CNTNAP5: variants seen among roughly 807,000 people sequenced by gnomAD.
The protein encoded by CNTNAP5 is contactin-associated protein-like 5.
Under a neutral mutation model 150.2 loss-of-function variants are expected in CNTNAP5, and 72 were observed. That is an observed-to-expected ratio of 0.48 (90% CI 0.40 to 0.58). The LOEUF (loss-of-function observed/expected upper bound fraction) is 0.58, where lower values mean the gene tolerates loss of function less well. Among genes scored for constraint, CNTNAP5 ranks in the 20% least tolerant of loss-of-function variants. The probability of loss-of-function intolerance (pLI) is 0.00; values close to 1 mark genes in which losing one functional copy is unlikely to be tolerated. For missense variants in CNTNAP5, 1,636 were observed against 1,626.2 expected (o/e 1.01, Z -0.10); for synonymous variants, 672 against 619.8 (o/e 1.08, Z -1.25).
At chr2:124,100,864 C>CAAAAAAAAAAAAA (rs60441145) in intron 1 of CNTNAP5, among the ~76,000 whole-genome samples, 1 of 88,046 alleles carries the variant, frequency 1.1e-5, no homozygotes, top group East Asian at 3.7e-4. Flanking sequence ...GACTCTGTCT[C>CAAAAAAAAAAAAA]AAAAAAAAAA....
intron 1 of CNTNAP5, among the ~76,000 whole-genome samples, chr2:124,134,203 C>T (rs1231550882): frequency 6.6e-6 from 1 of 152,044 alleles, no homozygotes; most frequent in African/African-American, 2.4e-5. Flanking sequence ...CTCAGGGGTT[C>T]GTTCCACTGG....
intron 10 of CNTNAP5, among the ~76,000 whole-genome samples, chr2:124,556,710 A>G (rs922879637): frequency 6.6e-6 from 1 of 152,106 alleles, no homozygotes; most frequent in Admixed American, 6.5e-5. Flanking sequence ...GCCAGCAGGA[A>G]TTGCTCACAT....
At chr2:124,406,450 C>T (rs1318885373) in intron 3 of CNTNAP5, among the ~76,000 whole-genome samples, 1 of 152,148 alleles carries the variant, frequency 6.6e-6, no homozygotes, top group Non-Finnish European at 1.5e-5. Context: ...CTTCTACATG[C>T]CTTGCAAACA....
At chr2:124,704,027 C>T (rs1018176446) in intron 13 of CNTNAP5, among the ~76,000 whole-genome samples, 1 of 152,202 alleles carries the variant, frequency 6.6e-6, no homozygotes, top group African/African-American at 2.4e-5. Context: ...TGTCACCATT[C>T]GAACAGCATT....
At chr2:124,344,183 T>C (rs906437366) in intron 3 of CNTNAP5, among the ~76,000 whole-genome samples, 2 of 151,964 alleles carry the variant, frequency 1.3e-5, no homozygotes, top group African/African-American at 4.8e-5. Context: ...ATGCAGACCA[T>C]AGCAATTTCA....
chr2:124,187,812 C>T (rs1250277987), intron 1 of CNTNAP5, among the ~76,000 whole-genome samples: 1 of 152,144 alleles, frequency 6.6e-6, no homozygotes, highest in Non-Finnish European at 1.5e-5. Flanking sequence ...ATGACTAAAA[C>T]AATTTTACCA....
intron 13 of CNTNAP5, among the ~76,000 whole-genome samples, chr2:124,713,371 CTTTCT>C (rs1679877371): frequency 8.6e-6 from 1 of 116,878 alleles, no homozygotes; most frequent in African/African-American, 3.3e-5. Context: ...TTCTTTCTTT[CTTTCT>C]TTCTTCTCCC....
chr2:124,684,935 A>C (rs1679156952), intron 13 of CNTNAP5, among the ~76,000 whole-genome samples: 1 of 152,140 alleles, frequency 6.6e-6, no homozygotes, highest in Non-Finnish European at 1.5e-5. Context: ...CAGGCCCCAA[A>C]GCCTTGACTT....
At chr2:124,472,522 A>G (rs1278914712) in intron 6 of CNTNAP5, among the ~76,000 whole-genome samples, 1 of 151,286 alleles carries the variant, frequency 6.6e-6, no homozygotes, top group African/African-American at 2.4e-5. Context: ...TAAATGTATA[A>G]GAAATTGATT....
chr2:124,488,877 T>C (rs1693953250), intron 7 of CNTNAP5, among the ~76,000 whole-genome samples: 1 of 152,152 alleles, frequency 6.6e-6, no homozygotes, highest in South Asian at 2.1e-4. Context: ...AGTCTGACTC[T>C]TAGCTGCCTG....
Position 124,870,719 on chromosome 2 carries a change from T to C in CNTNAP5, c.3436+957T>C, listed in dbSNP as rs962585459. ...AAGTTAGTTGCTTACAAGATTGTTG[T>C]AGTACTTACAGTGTGGGTTCTTTTT... On this transcript the variant is annotated intron_variant, in intron 21 of 23. Coordinates refer to ENST00000682447, the MANE Select transcript of CNTNAP5 (RefSeq NM_001367498.1). 2.0e-5 allele frequency among the ~76,000 whole-genome samples: 3 copies of C among 152,168 alleles called. No individual in the cohort carries two copies. In the East Asian group the frequency reaches 5.8e-4, roughly 29 times the overall value.
intron 21 of CNTNAP5, among the ~76,000 whole-genome samples, chr2:124,878,051 C>T (rs779911937): frequency 1.9e-4 from 29 of 152,042 alleles, no homozygotes; most frequent in Non-Finnish European, 2.6e-4. Context: ...TTCCAAGCTC[C>T]TAATAAATCC....
chr2:124,811,160 A>G (rs1682209516), intron 19 of CNTNAP5, among the ~76,000 whole-genome samples: 1 of 152,192 alleles, frequency 6.6e-6, no homozygotes, highest in African/African-American at 2.4e-5. Context: ...AGGGAATCTT[A>G]TGTGACTGGG....
intron 13 of CNTNAP5, among the ~76,000 whole-genome samples, chr2:124,713,352 T>TTTCC (rs1679875251): frequency 7.3e-6 from 1 of 137,388 alleles, no homozygotes; most frequent in Non-Finnish European, 1.6e-5. Context: ...TCTTTCTTTC[T>TTTCC]TTCTTTCTTT....
chr2:124,478,193 C>T lies in CNTNAP5; in HGVS notation c.1062+3311C>T, dbSNP rs200914037. Among the ~76,000 whole-genome samples, 12 of 152,102 alleles carry T rather than the reference C, an allele frequency of 7.9e-5. No homozygotes were observed. The East Asian group carries it at 1.7e-3, about 22-fold the overall frequency. ...TGAATATCAGTAGCTTTCACCGTTTCGTTTTCTGAGAGAATCATTATCTAA... is the reference window on the plus strand; with the variant it reads ...TGAATATCAGTAGCTTTCACCGTTTTGTTTTCTGAGAGAATCATTATCTAA... On this transcript the variant is annotated intron_variant, in intron 7 of 23. Transcript: ENST00000682447.
At chr2:124,369,304 C>T (rs1257426006) in intron 3 of CNTNAP5, among the ~76,000 whole-genome samples, 1 of 152,138 alleles carries the variant, frequency 6.6e-6, no homozygotes, top group African/African-American at 2.4e-5. Context: ...ACTTGGGTAG[C>T]AACCAGGAGA....
In CNTNAP5 at chr2:124,847,878, A is replaced by T. The variant is rs375888129; in HGVS notation, c.3218-17428A>T. Among the ~76,000 whole-genome samples the T allele has an allele frequency of 1.9e-3, 285 of 152,280 alleles. 4 individuals carry two copies. Among genetic ancestry groups the T allele is most frequent in the African/African-American group, 6.5e-3 (269 of 41,572 alleles). On this transcript the variant is annotated intron_variant, in intron 19 of 23. Coordinates refer to ENST00000682447, the MANE Select transcript of CNTNAP5 (RefSeq NM_001367498.1). ...CTTAATGTTTACTTTTGTCATAAAA[A>T]TTGGCTTTATTTTCCATAGAATTTA... is the stretch of plus-strand genomic sequence containing the variant.
chr2:124,464,187 G>A (rs1457839881), intron 6 of CNTNAP5, among the ~76,000 whole-genome samples: 1 of 152,126 alleles, frequency 6.6e-6, no homozygotes, highest in African/African-American at 2.4e-5. Context: ...TAGGAGGGAT[G>A]TGAGCCTGGA....
At chr2:124,811,855 T>G (rs941535575) in intron 19 of CNTNAP5, among the ~76,000 whole-genome samples, 21 of 146,818 alleles carry the variant, frequency 1.4e-4, no homozygotes, top group African/African-American at 5.1e-4. Context: ...GGCAGGAGAA[T>G]CGCTTGAACC....
Sources: allele counts gnomAD v4.1 joint callset (sites outside exome capture counted in the v4.1 genomes callset), GRCh38; gene constraint gnomAD v4.1.1; transcripts MANE v1.5; gene names NCBI Gene and HGNC (gene_info 2026-07-23, HGNC 2026-07-21).